The following PRAG1 variants were observed in gnomAD, a reference collection of about 807,000 sequenced individuals.
PRAG1 encodes the protein PEAK1 related, kinase-activating pseudokinase 1.
In PRAG1, 110 loss-of-function variants were observed where a neutral mutation model predicts 95.6. The ratio of observed to expected loss-of-function variants is 1.15; its 90% CI spans 0.99 to 1.35. The LOEUF (loss-of-function observed/expected upper bound fraction) is 1.35. PRAG1 is among the 40% of genes most tolerant of loss of function. PRAG1 has a pLI of 0.00. For synonymous variants in PRAG1, 1,052 were observed against 819.4 expected, an observed-to-expected ratio of 1.28 and a Z score of -4.85; for missense variants, 2,554 against 1,864.7, an observed-to-expected ratio of 1.37 and a Z score of -6.81.
intron 4 of PRAG1, among the ~76,000 whole-genome samples, chr8:8,338,782 G>A (rs1799072694): frequency 6.6e-6 from 1 of 152,212 alleles, no homozygotes; most frequent in African/African-American, 2.4e-5. Context: ...GAAGTCATGT[G>A]AGTACAAGTC....
chr8:8,334,191 C>G (rs1328402435), intron 4 of PRAG1, among the ~76,000 whole-genome samples: 1 of 152,172 alleles, frequency 6.6e-6, no homozygotes, highest in Non-Finnish European at 1.5e-5. Context: ...TGCCTGCAAT[C>G]CCAGTACTTT....
At chr8:8,320,755 G>C (rs1481744224) in intron 5 of PRAG1, among the ~76,000 whole-genome samples, 1 of 152,206 alleles carries the variant, frequency 6.6e-6, no homozygotes, top group African/African-American at 2.4e-5. Context: ...TGATGAAGCA[G>C]TGTTTTTGAA....
chr8:8,344,124 G>A (rs1415095066), intron 3 of PRAG1, among the ~76,000 whole-genome samples: 1 of 151,908 alleles, frequency 6.6e-6, no homozygotes, highest in Non-Finnish European at 1.5e-5. Flanking sequence ...CACATTTTAA[G>A]CTAGTGGCTA....
In PRAG1 at chr8:8,362,640, G is replaced by A. The variant is rs145026903; in HGVS notation, c.2162+13607C>T. 5.3e-4 allele frequency among the ~76,000 whole-genome samples: 80 copies of A among 152,262 alleles called. 3 individuals carry two copies. In the East Asian group the frequency reaches 8.3e-3, roughly 16 times the overall value. On this transcript the variant is annotated intron_variant, in intron 3 of 5. Coordinates refer to ENST00000615670, the MANE Select transcript of PRAG1 (RefSeq NM_001080826.3). ...TGTTGGAAATAAATGCTTATTCCTCGGTGCCACAAAGAAGAATCAGTAGTC... is the reference window on the plus strand; with the variant it reads ...TGTTGGAAATAAATGCTTATTCCTCAGTGCCACAAAGAAGAATCAGTAGTC...
chr8:8,322,630 G>A (rs1378178153), intron 5 of PRAG1, among the ~76,000 whole-genome samples: 1 of 152,076 alleles, frequency 6.6e-6, no homozygotes, highest in Non-Finnish European at 1.5e-5. Context: ...TACTGATAGG[G>A]CAGTCTCTTC....
At chr8:8,329,328 G>C (rs1046320699) in intron 4 of PRAG1, among the ~76,000 whole-genome samples, 1 of 152,048 alleles carries the variant, frequency 6.6e-6, no homozygotes. Context: ...GGGAGATGGA[G>C]GTTGTAGTGA....
chr8:8,338,412 A>G (rs1799059248), intron 4 of PRAG1, among the ~76,000 whole-genome samples: 1 of 152,252 alleles, frequency 6.6e-6, no homozygotes, highest in South Asian at 2.1e-4. Context: ...AGAGCTAACC[A>G]GCACAGGGGC....
rs1477213278 is a variant in PRAG1 at position 8,381,740 on chromosome 8, T to C, written c.8A>G (p.Gln3Arg). The change falls in exon 2 of 6, where the codon CAG (glutamine) becomes CGG (arginine). Residue 3 changes from glutamine to arginine, a missense_variant. Transcript: ENST00000615670. MH[Q>R]TLCLNPESLK... is the part of the protein sequence containing the mutation. ...GCTCTCGGGGTTCAGGCAGAGGGTCTGGTGCATCTTGAGCCGACAGGGTGC... is the reference window on the plus strand; with the variant it reads ...GCTCTCGGGGTTCAGGCAGAGGGTCCGGTGCATCTTGAGCCGACAGGGTGC... 1 of 1,584,158 alleles carries C rather than the reference T, an allele frequency of 6.3e-7. No individual in the cohort carries two copies.
At chr8:8,376,022 A>G (rs541223290) in intron 3 of PRAG1, among the ~76,000 whole-genome samples, 26 of 152,282 alleles carry the variant, frequency 1.7e-4, no homozygotes, top group African/African-American at 5.3e-4. Flanking sequence ...TAAATCACCA[A>G]TCCCAAGCAG....
intron 3 of PRAG1, among the ~76,000 whole-genome samples, chr8:8,358,358 T>C (rs1019875353): frequency 6.6e-6 from 1 of 152,136 alleles, no homozygotes; most frequent in African/African-American, 2.4e-5. Context: ...TCTGTCCTCT[T>C]AGGTTTTTAT....
At chr8:8,334,714 T>C (rs1184573360) in intron 4 of PRAG1, among the ~76,000 whole-genome samples, 1 of 150,608 alleles carries the variant, frequency 6.6e-6, no homozygotes, top group African/African-American at 2.5e-5. Context: ...CCTGGAATTA[T>C]GATCTTTCAA....
rs376649715 is a variant in PRAG1 at position 8,378,060 on chromosome 8, G to A, written c.349C>T (p.Pro117Ser). 1.9e-6 allele frequency: 3 copies of A among 1,540,538 alleles called. No homozygotes were observed. The highest frequency in any genetic ancestry group is 2.6e-6 in the Non-Finnish European group (3 of 1,144,914). Residue 117 changes from proline to serine, a missense_variant, in exon 3 of 6, where the codon CCT becomes TCT. Transcript: ENST00000615670. ...TGCTTCGGGAGGGGGAGCTTGCCAG[G>A]GGCTCGTCTCCAGATGACCTACACA... ...EVSQVIWRRAPGKLPLPKQED... is the reference protein window; with the variant it reads ...EVSQVIWRRASGKLPLPKQED...
At chr8:8,363,430 C>G (rs1799909075) in intron 3 of PRAG1, among the ~76,000 whole-genome samples, 1 of 152,122 alleles carries the variant, frequency 6.6e-6, no homozygotes, top group Admixed American at 6.5e-5. Flanking sequence ...ATGGATGAAA[C>G]TTGAGAACAT....
At chr8:8,350,205 C>T (rs904727431) in intron 3 of PRAG1, among the ~76,000 whole-genome samples, 26 of 152,286 alleles carry the variant, frequency 1.7e-4, no homozygotes, top group African/African-American at 6.3e-4. Flanking sequence ...TGCTGGGCTG[C>T]CTGGTGCAGG....
At chr8:8,328,767 C>A (rs1798729632) in intron 4 of PRAG1, among the ~76,000 whole-genome samples, 1 of 150,524 alleles carries the variant, frequency 6.6e-6, no homozygotes, top group Non-Finnish European at 1.5e-5. Flanking sequence ...TGCGTGCCTG[C>A]ACGCGTGCGC....
At chr8:8,375,515 A>G (rs1337660485) in intron 3 of PRAG1, among the ~76,000 whole-genome samples, 1 of 151,950 alleles carries the variant, frequency 6.6e-6, no homozygotes, top group Non-Finnish European at 1.5e-5. Flanking sequence ...TTTTTCTTTA[A>G]AAACCCACAT....
chr8:8,326,919 C>A (rs907611165), intron 5 of PRAG1, among the ~76,000 whole-genome samples: 4 of 152,208 alleles, frequency 2.6e-5, no homozygotes, highest in Admixed American at 2.0e-4. Context: ...AGAGTGAATG[C>A]TCACACAAAT....
chr8:8,363,422 G>A (rs1176904628), intron 3 of PRAG1, among the ~76,000 whole-genome samples: 1 of 152,146 alleles, frequency 6.6e-6, no homozygotes, highest in Non-Finnish European at 1.5e-5. Context: ...GCTACAAGAT[G>A]GATGAAACTT....
chr8:8,318,145 G>C lies in PRAG1; in HGVS notation c.*9C>G. ...GAAGGGGCAGCGACGGTGCAGGCTG[G>C]GGCTTGGCTCACAGAAGCTGCAGGA... On this transcript the variant is annotated 3_prime_UTR_variant, in exon 6 of 6. Transcript: ENST00000615670. This position sits in a 1 kb window ranked among gnomAD's most constrained non-coding sequence, Gnocchi z 4.2. The C allele has an allele frequency of 6.2e-7, 1 of 1,607,748 alleles. No individual in the cohort carries two copies. Among genetic ancestry groups the C allele is most frequent in the South Asian group, 1.1e-5 (1 of 90,250 alleles).
Sources: allele counts gnomAD v4.1 joint callset (sites outside exome capture counted in the v4.1 genomes callset), GRCh38; gene constraint gnomAD v4.1.1; non-coding constraint Gnocchi (gnomAD v3.1); transcripts MANE v1.5; gene names NCBI Gene and HGNC (gene_info 2026-07-23, HGNC 2026-07-21).